The following UXS1 variants were observed in gnomAD, a reference collection of about 807,000 sequenced individuals.
UXS1 encodes UDP-glucuronate decarboxylase 1, also known as UDP-glucuronic acid decarboxylase 1.
A neutral mutation model predicts 62.6 loss-of-function variants in UXS1; 33 were observed. That is an observed-to-expected ratio of 0.53 (90% CI 0.40 to 0.70). The LOEUF (loss-of-function observed/expected upper bound fraction) is 0.70, where lower values mean the gene tolerates loss of function less well. Among genes scored for constraint, UXS1 ranks in the 30% least tolerant of loss-of-function variants. UXS1 has a pLI of 0.00. For missense variants in UXS1, 434 were observed against 556.3 expected (o/e 0.78, Z 2.21); for synonymous variants, 213 against 206.8 (o/e 1.03, Z -0.26).
intron 4 of UXS1, among the ~76,000 whole-genome samples, chr2:106,161,027 C>A (rs1192963600): frequency 6.6e-6 from 1 of 152,134 alleles, no homozygotes; most frequent in African/African-American, 2.4e-5. Context: ...GTATGCATGT[C>A]ATCCTGTTTT....
intron 1 of UXS1, 68 bp downstream of exon 1, chr2:106,194,080 G>C: frequency 7.7e-7 from 1 of 1,296,518 alleles, no homozygotes; most frequent in Non-Finnish European, 1.0e-6. Flanking sequence ...CCGAACCACC[G>C]CCGCCCGGCC....
At chr2:106,104,941 A>AG in intron 10 of UXS1, 104 bp from the exon 11 acceptor site, 1 of 1,391,680 alleles carries the variant, frequency 7.2e-7, no homozygotes, top group East Asian at 2.3e-5. Context: ...AACTGATCCC[A>AG]GGGGGCAGTG....
chr2:106,164,646 C>T, intron 3 of UXS1, 90 bp downstream of exon 3: 3 of 1,023,828 alleles, frequency 2.9e-6, no homozygotes, highest in Non-Finnish European at 4.2e-6. Flanking sequence ...CAGCATCAAG[C>T]TGCCACAATA....
intron 10 of UXS1, among the ~76,000 whole-genome samples, chr2:106,109,236 G>A (rs1318640948): frequency 6.6e-6 from 1 of 151,990 alleles, no homozygotes; most frequent in East Asian, 1.9e-4. Flanking sequence ...CCTGAATAAA[G>A]TCTTCCTCAC....
chr2:106,098,667 T>C (rs766168478), intron 13 of UXS1, 49 bp downstream of exon 13: 24 of 1,500,002 alleles, frequency 1.6e-5, no homozygotes, highest in Middle Eastern at 1.7e-4. Context: ...TATTAACAGA[T>C]AGGGCAGGCA....
At chr2:106,095,999 A>G (rs1677049241) in intron 14 of UXS1, among the ~76,000 whole-genome samples, 1 of 152,206 alleles carries the variant, frequency 6.6e-6, no homozygotes, top group South Asian at 2.1e-4. Context: ...ACAGGAAGGC[A>G]TGCAGTTCCC....
chr2:106,146,772 CAAAAA>C (rs55896853), intron 5 of UXS1, among the ~76,000 whole-genome samples: 9 of 45,230 alleles, frequency 2.0e-4, no homozygotes, highest in Non-Finnish European at 3.8e-4. Context: ...GACTCCATCT[CAAAAA>C]AAAAAAAAAA....
At chr2:106,142,455 A>G (rs761219810) in intron 6 of UXS1, among the ~76,000 whole-genome samples, 2 of 152,106 alleles carry the variant, frequency 1.3e-5, no homozygotes, top group Non-Finnish European at 2.9e-5. Flanking sequence ...ATCACTAAAT[A>G]TTTTTGTAAT....
At chr2:106,149,890 ACTT>A (rs1360784102) in intron 5 of UXS1, among the ~76,000 whole-genome samples, 1 of 152,188 alleles carries the variant, frequency 6.6e-6, no homozygotes, top group Non-Finnish European at 1.5e-5. Context: ...GAAGTCTAGA[ACTT>A]CTTAGAGATT....
chr2:106,099,239 C>A (rs1014265537), intron 12 of UXS1, among the ~76,000 whole-genome samples: 1 of 152,128 alleles, frequency 6.6e-6, no homozygotes, highest in Non-Finnish European at 1.5e-5. Context: ...GGCTCACAGG[C>A]GAGTGTCCCC....
At chr2:106,191,454 G>A (rs770541805) in intron 1 of UXS1, among the ~76,000 whole-genome samples, 1 of 152,220 alleles carries the variant, frequency 6.6e-6, no homozygotes, top group Non-Finnish European at 1.5e-5. Flanking sequence ...CACAAGCCCT[G>A]TAACATTTTT....
In UXS1 at chr2:106,182,743, A is replaced by G. The variant is rs568340170; in HGVS notation, c.94+11405T>C. Among the ~76,000 whole-genome samples the G allele has an allele frequency of 1.1e-4, 15 of 138,210 alleles. No individual in the cohort carries two copies. The East Asian group carries it at 3.7e-3, about 34-fold the overall frequency. The allele number at this position is 138,210 out of a possible 152,430, so 90.7% of individuals were successfully genotyped here. A position where few individuals can be genotyped will look rare whatever the true frequency, so the allele number is the denominator to read the frequency against. ...AATGGAGAGAACATCTCCCCTCTTC[A>G]CGCCTCACTGCAGGATAGTTGGGTG... On this transcript the variant is annotated intron_variant, in intron 1 of 14. Coordinates refer to ENST00000283148, the MANE Select transcript of UXS1 (RefSeq NM_001253875.2).
In UXS1 at chr2:106,096,988, G is replaced by A. The variant is rs765545409; in HGVS notation, c.1043-167C>T. The A allele has an allele frequency of 1.7e-5, 13 of 752,494 alleles. 2 individuals carry two copies. The highest frequency in any genetic ancestry group is 2.2e-4 in the Middle Eastern group (1 of 4,460). 46.6% of individuals were successfully genotyped at this position (752,494 alleles called of 1,614,324 possible). A position where few individuals can be genotyped will look rare whatever the true frequency, so the allele number is the denominator to read the frequency against. ...CGGAGCTCCCGAGGGACTGTTCTGCGTGGAAGTCCAGGGAGTGCTCCTGCA... is the reference window on the plus strand; with the variant it reads ...CGGAGCTCCCGAGGGACTGTTCTGCATGGAAGTCCAGGGAGTGCTCCTGCA... On this transcript the variant is annotated intron_variant, in intron 13 of 14. Transcript: ENST00000283148.
chr2:106,120,423 C>T (rs1052812594), intron 9 of UXS1, among the ~76,000 whole-genome samples: 1 of 152,182 alleles, frequency 6.6e-6, no homozygotes, highest in African/African-American at 2.4e-5. Context: ...ACAGTGGGAA[C>T]GGGTAGGGTC....
intron 1 of UXS1, among the ~76,000 whole-genome samples, chr2:106,174,037 G>T (rs3860451): frequency 6.6e-6 from 1 of 151,026 alleles, no homozygotes; most frequent in Non-Finnish European, 1.5e-5. Context: ...CGTGAAGATG[G>T]CTGTGGGATG....
intron 1 of UXS1, among the ~76,000 whole-genome samples, chr2:106,179,750 G>T (rs770655667): frequency 6.6e-6 from 1 of 152,226 alleles, no homozygotes; most frequent in Non-Finnish European, 1.5e-5. Context: ...AAGACACTAT[G>T]ATATAAATCT....
At chr2:106,155,263 CTT>C (rs1286247366) in intron 5 of UXS1, among the ~76,000 whole-genome samples, 3 of 152,094 alleles carry the variant, frequency 2.0e-5, no homozygotes, top group Non-Finnish European at 2.9e-5. Flanking sequence ...AGTCAAGAAT[CTT>C]ATATACGACC....
chr2:106,161,152 G>C (rs1294867234), intron 4 of UXS1, among the ~76,000 whole-genome samples: 1 of 151,964 alleles, frequency 6.6e-6, no homozygotes, highest in African/African-American at 2.4e-5. Flanking sequence ...CCAAGCACCT[G>C]CTGGACTGAC....
intron 10 of UXS1, among the ~76,000 whole-genome samples, chr2:106,108,993 C>G (rs951040176): frequency 6.6e-6 from 1 of 152,118 alleles, no homozygotes; most frequent in Non-Finnish European, 1.5e-5. Context: ...CCCCCCATAT[C>G]CCCTAGAGTG....
Sources: allele counts gnomAD v4.1 joint callset (sites outside exome capture counted in the v4.1 genomes callset), GRCh38; gene constraint gnomAD v4.1.1; transcripts MANE v1.5; gene names NCBI Gene and HGNC (gene_info 2026-07-23, HGNC 2026-07-21).